The following DGLUCY variants were observed in gnomAD, a reference collection of about 807,000 sequenced individuals.
The protein encoded by DGLUCY is D-glutamate cyclase, also known as D-glutamate cyclase, mitochondrial.
Under a neutral mutation model 58.5 loss-of-function variants are expected in DGLUCY, and 58 were observed. That is an observed-to-expected ratio of 0.99 (90% confidence interval 0.80 to 1.23). The LOEUF is 1.23. Among genes scored for constraint, DGLUCY ranks in the 50% most tolerant of loss-of-function variants. The pLI, the probability that DGLUCY is intolerant of heterozygous loss-of-function variation, is 0.00. For missense variants in DGLUCY, 779 were observed against 784.7 expected (o/e 0.99, Z 0.09); for synonymous variants, 325 against 314.1 (o/e 1.03, Z -0.37).
At chr14:91,179,973 C>T (rs1002823084) in intron 7 of DGLUCY, among the ~76,000 whole-genome samples, 1 of 140,042 alleles carries the variant, frequency 7.1e-6, no homozygotes, top group South Asian at 2.4e-4. Flanking sequence ...CTCACTGCAG[C>T]CTCTGCCTCC....
At chr14:91,179,534 C>G (rs2049039158) in intron 7 of DGLUCY, among the ~76,000 whole-genome samples, 1 of 152,034 alleles carries the variant, frequency 6.6e-6, no homozygotes, top group African/African-American at 2.4e-5. Flanking sequence ...GGAGGATCAC[C>G]TGAGGTCAGG....
At chr14:91,169,471 A>G (rs1440013857) in intron 4 of DGLUCY, among the ~76,000 whole-genome samples, 1 of 150,128 alleles carries the variant, frequency 6.7e-6, no homozygotes, top group Non-Finnish European at 1.5e-5. Context: ...GTGCAGTGGC[A>G]CGATCTCGGC....
At chr14:91,205,367 G>A (rs539768730) in intron 12 of DGLUCY, among the ~76,000 whole-genome samples, 6 of 152,174 alleles carry the variant, frequency 3.9e-5, no homozygotes, top group South Asian at 2.1e-4. Flanking sequence ...CTCCTCTCCC[G>A]CAGGACCCAC....
chr14:91,117,697 A>G (rs1294338942), intron 1 of DGLUCY, among the ~76,000 whole-genome samples: 2 of 151,932 alleles, frequency 1.3e-5, no homozygotes, highest in Admixed American at 1.3e-4. Context: ...GCCAAACTGT[A>G]AAATATTTGA....
intron 13 of DGLUCY, among the ~76,000 whole-genome samples, chr14:91,221,186 A>G (rs376635208): frequency 1.2e-4 from 18 of 152,370 alleles, no homozygotes; most frequent in African/African-American, 4.1e-4. Context: ...AGCCCAGGGC[A>G]TAGCAGCCAT....
chr14:91,176,111 G>T, intron 7 of DGLUCY, 55 bp downstream of exon 7: 3 of 1,577,418 alleles, frequency 1.9e-6, no homozygotes, highest in Non-Finnish European at 2.6e-6. Flanking sequence ...GCCCAGTGGG[G>T]TCTAGTTCTT....
intron 8 of DGLUCY, among the ~76,000 whole-genome samples, chr14:91,183,343 C>T (rs1263386386): frequency 6.6e-6 from 1 of 152,166 alleles, no homozygotes; most frequent in Non-Finnish European, 1.5e-5. Context: ...GGTTGAGGGG[C>T]TTTTAACTTC....
At chr14:91,091,057 A>C (rs915683578) in intron 1 of DGLUCY, 5 of 152,252 alleles carry the variant, frequency 3.3e-5, no homozygotes, top group African/African-American at 1.2e-4. Flanking sequence ...CTGTTAAGCC[A>C]GCTTGGCAAA....
At chr14:91,188,835 A>G in intron 8 of DGLUCY, 75 bp from the exon 9 acceptor site, 1 of 1,452,948 alleles carries the variant, frequency 6.9e-7, no homozygotes, top group Non-Finnish European at 9.2e-7. Flanking sequence ...TCATAAGTAA[A>G]TAAATACATA....
intron 1 of DGLUCY, among the ~76,000 whole-genome samples, chr14:91,135,653 TAAAAAAAAAAA>T (rs60532081): frequency 2.0e-5 from 2 of 100,316 alleles, no homozygotes; most frequent in African/African-American, 4.0e-5. Context: ...TCTGCCTCAT[TAAAAAAAAAAA>T]AAAAAAAAAA....
intron 1 of DGLUCY, among the ~76,000 whole-genome samples, chr14:91,152,773 A>C (rs889350418): frequency 6.6e-6 from 1 of 152,242 alleles, no homozygotes; most frequent in Non-Finnish European, 1.5e-5. Context: ...GGACATCTAC[A>C]GAAACCAAAA....
At chr14:91,087,273 A>T (rs2044237438) in intron 1 of DGLUCY, among the ~76,000 whole-genome samples, 1 of 152,166 alleles carries the variant, frequency 6.6e-6, no homozygotes, top group South Asian at 2.1e-4. Flanking sequence ...ATATTTATTG[A>T]TCACCTATTG....
At chr14:91,168,552 G>C (rs2048403452) in intron 4 of DGLUCY, among the ~76,000 whole-genome samples, 1 of 152,164 alleles carries the variant, frequency 6.6e-6, no homozygotes, top group Non-Finnish European at 1.5e-5. Context: ...AACTCCTGGA[G>C]CCCATCCCCC....
intron 7 of DGLUCY, among the ~76,000 whole-genome samples, chr14:91,178,540 G>A (rs753760486): frequency 2.0e-5 from 3 of 152,124 alleles, no homozygotes; most frequent in South Asian, 2.1e-4. Flanking sequence ...GCAAAACCCC[G>A]TGTCATGCTC....
intron 9 of DGLUCY, among the ~76,000 whole-genome samples, chr14:91,190,043 A>T (rs796875704): frequency 1.1e-4 from 14 of 130,142 alleles, no homozygotes; most frequent in African/African-American, 4.1e-4. Context: ...GCTGGAGTGC[A>T]GTGGCGCGAT....
intron 1 of DGLUCY, among the ~76,000 whole-genome samples, chr14:91,089,931 G>A (rs1223380414): frequency 3.3e-5 from 5 of 151,964 alleles, no homozygotes; most frequent in Non-Finnish European, 7.4e-5. Context: ...ATTACTCTGG[G>A]ACAACAGATG....
chr14:91,214,763 T>A (rs909213029), intron 12 of DGLUCY, among the ~76,000 whole-genome samples: 9 of 152,080 alleles, frequency 5.9e-5, no homozygotes, highest in Admixed American at 2.0e-4. Flanking sequence ...GGCAGGGGGA[T>A]CACTTGAGCC....
rs758299683 is a variant in DGLUCY at position 91,225,550 on chromosome 14, A to G, written c.*717A>G. 4 of 152,270 alleles carry G rather than the reference A, an allele frequency of 2.6e-5. No homozygotes were observed. Among genetic ancestry groups the G allele is most frequent in the Non-Finnish European group, 4.4e-5 (3 of 68,056 alleles). The allele number at this position is 152,270 out of a possible 1,614,324, so 9.4% of individuals were successfully genotyped here. ...CAAGAACCTCTTATGTGACTCAGTAATGTCCTCAAAGTGCAAGAGCAGAGA... is the reference window on the plus strand; with the variant it reads ...CAAGAACCTCTTATGTGACTCAGTAGTGTCCTCAAAGTGCAAGAGCAGAGA... On this transcript the variant is annotated 3_prime_UTR_variant, in exon 14 of 14. Transcript: ENST00000256324.
chr14:91,084,176 G>A (rs1179042719), intron 1 of DGLUCY, among the ~76,000 whole-genome samples: 4 of 151,128 alleles, frequency 2.6e-5, no homozygotes, highest in East Asian at 1.9e-4. Flanking sequence ...CCAAGCATTA[G>A]CAGTTCTCTC....
Sources: allele counts gnomAD v4.1 joint callset (sites outside exome capture counted in the v4.1 genomes callset), GRCh38; gene constraint gnomAD v4.1.1; transcripts MANE v1.5; gene names NCBI Gene and HGNC (gene_info 2026-07-23, HGNC 2026-07-21).